The following NR4A3 variants were observed in gnomAD, a reference collection of about 807,000 sequenced individuals.
The protein encoded by NR4A3 is nuclear receptor subfamily 4 group A member 3.
Under a neutral mutation model 55.6 loss-of-function variants are expected in NR4A3, and 13 were observed. The ratio of observed to expected loss-of-function variants is 0.23; its 90% CI spans 0.15 to 0.37. The LOEUF is 0.37. Ranked by LOEUF, NR4A3 falls within the 10% of genes least tolerant of loss-of-function variation. The pLI is 1.00. For missense variants in NR4A3, 646 were observed against 822.8 expected (o/e 0.79, Z 2.63); for synonymous variants, 342 against 357.9 (o/e 0.96, Z 0.50).
chr9:99,841,977 A>T (rs563135261), intron 5 of NR4A3, among the ~76,000 whole-genome samples: 1 of 152,232 alleles, frequency 6.6e-6, no homozygotes, highest in African/African-American at 2.4e-5. Flanking sequence ...CTCAAAAAAA[A>T]ATTTTTTTTG....
At position 99,863,692 on chromosome 9, in the gene NR4A3, A is replaced by G; in HGVS notation, c.1706A>G (p.His569Arg). The change falls in exon 8 of 8, where the codon CAC (histidine) becomes CGC (arginine). Residue 569 changes from histidine (H) to arginine (R), a missense_variant. By Grantham distance (29) the His-to-Arg change is conservative. Transcript: ENST00000395097. The stretch of plus-strand genomic sequence containing the variant: ...AAGATCACAAGCAGTTTAAAAGACC[A>G]CCAGAGTAAGGGACAGGCTCTGGAG... The part of the protein sequence containing the change: ...CNKITSSLKD[H>R]QSKGQALEPT... 6.2e-7 allele frequency: 1 copy of G among 1,614,030 alleles called. No individual in the cohort carries two copies. Among genetic ancestry groups the G allele is most frequent in the Non-Finnish European group, 8.5e-7 (1 of 1,179,964 alleles).
intron 7 of NR4A3, among the ~76,000 whole-genome samples, chr9:99,863,160 C>A (rs1249131667): frequency 1.3e-5 from 2 of 152,102 alleles, no homozygotes; most frequent in Non-Finnish European, 2.9e-5. Context: ...AATTCATTTG[C>A]CTGGATGTGT....
intron 4 of NR4A3, 77 bp downstream of exon 4, chr9:99,832,895 T>A: frequency 7.8e-7 from 1 of 1,290,118 alleles, no homozygotes; most frequent in Non-Finnish European, 1.0e-6. Context: ...AATATTTACA[T>A]TGGGATGGTG....
At chr9:99,830,540 T>C (rs1175026689) in intron 3 of NR4A3, among the ~76,000 whole-genome samples, 1 of 152,212 alleles carries the variant, frequency 6.6e-6, no homozygotes, top group Non-Finnish European at 1.5e-5. Flanking sequence ...TGCAGAGAAA[T>C]GAGAAAATGT....
intron 5 of NR4A3, among the ~76,000 whole-genome samples, chr9:99,842,270 T>C (rs1827667002): frequency 6.6e-6 from 1 of 152,194 alleles, no homozygotes; most frequent in Non-Finnish European, 1.5e-5. Flanking sequence ...GGTTAGGATA[T>C]TACAGCAAAC....
intron 7 of NR4A3, among the ~76,000 whole-genome samples, chr9:99,853,487 C>T (rs1827889091): frequency 2.1e-5 from 2 of 95,990 alleles, no homozygotes; most frequent in South Asian, 8.8e-4. Context: ...CCTCCCCCGA[C>T]CCCACCACAG....
intron 5 of NR4A3, chr9:99,834,075 C>A: frequency 9.8e-7 from 1 of 1,021,532 alleles, no homozygotes; most frequent in Non-Finnish European, 1.2e-6. Flanking sequence ...GTTCTGAACA[C>A]CAGTCACACA....
intron 7 of NR4A3, among the ~76,000 whole-genome samples, chr9:99,858,547 G>A (rs549512157): frequency 1.3e-5 from 2 of 152,354 alleles, no homozygotes; most frequent in Non-Finnish European, 2.9e-5. Context: ...AATATTTGTT[G>A]AAAGAAGTAG....
chr9:99,827,447 A>G (rs756383349), intron 2 of NR4A3, among the ~76,000 whole-genome samples: 3 of 152,130 alleles, frequency 2.0e-5, no homozygotes, highest in South Asian at 2.1e-4. Flanking sequence ...TGCTAGCCCT[A>G]TTGGAAGAGT....
chr9:99,828,498 G>A lies in NR4A3; in HGVS notation c.456G>A (p.Ala152=), dbSNP rs1038156905. The change falls in exon 3 of 8, where the codon GCG becomes GCA. Residue 152 remains alanine (A), a synonymous_variant. Coordinates refer to ENST00000395097, the MANE Select transcript of NR4A3 (RefSeq NM_006981.4). The surrounding 1 kb of genome is among the most constrained non-coding windows in gnomAD (Gnocchi z 7.7). ...CCACGCCGGCCTTCCCCCCGCAGGC[G>A]GGGGCGTTATGGGACGAGGCACTGC... ...TPTTPAFPPQ[A]GALWDEALPS... is the part of the protein sequence containing the mutation. 9 of 1,581,276 alleles carry A rather than the reference G, an allele frequency of 5.7e-6. No homozygotes were observed. In the Admixed American group the frequency reaches 7.2e-5, roughly 13 times the overall value.
In NR4A3 at chr9:99,832,650, GA is replaced by G. The variant is rs1827467684; in HGVS notation, c.952-36del. ...TCTTGTCAGGTCCTACCTCTTTCCAGAAACTATCAGTTGACTATCTTGTATT... is the reference window on the plus strand; with the variant it reads ...TCTTGTCAGGTCCTACCTCTTTCCAGAACTATCAGTTGACTATCTTGTATT... On this transcript the variant is annotated intron_variant, in intron 3 of 7. Transcript: ENST00000395097. 7 of 1,493,582 alleles carry G rather than the reference GA, an allele frequency of 4.7e-6. No homozygotes were observed. In the East Asian group the frequency reaches 1.7e-4, roughly 36 times the overall value. 92.5% of individuals were successfully genotyped at this position (1,493,582 alleles called of 1,614,324 possible). A position where few individuals can be genotyped will look rare whatever the true frequency, so the allele number is the denominator to read the frequency against.
At chr9:99,833,510 T>C in intron 5 of NR4A3, 56 bp downstream of exon 5, 2 of 1,613,938 alleles carry the variant, frequency 1.2e-6, no homozygotes, top group Non-Finnish European at 1.7e-6. Context: ...TATTTATGGC[T>C]ACTAGTAATA....
intron 6 of NR4A3, among the ~76,000 whole-genome samples, chr9:99,845,528 C>T (rs1827738716): frequency 6.6e-6 from 1 of 152,192 alleles, no homozygotes; most frequent in East Asian, 1.9e-4. Context: ...CTGTTTAACT[C>T]CATCTTCCTT....
intron 7 of NR4A3, among the ~76,000 whole-genome samples, chr9:99,848,397 T>G (rs1827793152): frequency 6.6e-6 from 1 of 152,072 alleles, no homozygotes; most frequent in Non-Finnish European, 1.5e-5. Context: ...CAGGCTGGAG[T>G]GCAATGATGT....
chr9:99,847,307 A>G (rs1827771400), intron 6 of NR4A3, 130 bp from the exon 7 acceptor site: 1 of 771,856 alleles, frequency 1.3e-6, no homozygotes, highest in Non-Finnish European at 2.2e-6. Context: ...GGTATCTGGC[A>G]TGCTTCATAG....
intron 5 of NR4A3, chr9:99,833,978 T>G (rs765323281): frequency 2.6e-5 from 30 of 1,141,112 alleles, no homozygotes; most frequent in Non-Finnish European, 3.0e-5. Flanking sequence ...CCACCTCTGC[T>G]ACTTCCTGCC....
At chr9:99,829,088 G>A in intron 3 of NR4A3, 95 bp downstream of exon 3, 1 of 1,230,182 alleles carries the variant, frequency 8.1e-7, no homozygotes, top group Non-Finnish European at 1.0e-6. Flanking sequence ...TTCCCGGTTT[G>A]AGAGCTGTAA....
chr9:99,837,721 G>C (rs967527980), intron 5 of NR4A3, among the ~76,000 whole-genome samples: 1 of 151,986 alleles, frequency 6.6e-6, no homozygotes, highest in Non-Finnish European at 1.5e-5. Flanking sequence ...ATAAGAATTT[G>C]CCCTGTCAAG....
intron 5 of NR4A3, 105 bp downstream of exon 5, chr9:99,833,559 G>A: frequency 6.2e-7 from 1 of 1,610,588 alleles, no homozygotes; most frequent in Non-Finnish European, 8.5e-7. Flanking sequence ...CACCATGTTA[G>A]ACAGTTTTCA....
Sources: gnomAD v4.1 joint callset for allele counts (sites outside exome capture counted in the v4.1 genomes callset) on GRCh38, gnomAD v4.1.1 for gene constraint, Gnocchi (gnomAD v3.1) non-coding constraint, MANE v1.5 for transcripts, NCBI Gene and HGNC (gene_info 2026-07-23, HGNC 2026-07-21) for gene names.